Variants in SEPTIN7 observed in about 807,000 individuals in gnomAD.
SEPTIN7 encodes the protein septin 7.
In SEPTIN7, 10 loss-of-function variants were observed where a neutral mutation model predicts 63.3. The observed-to-expected ratio is 0.16, with a 90% CI of 0.10 to 0.27. SEPTIN7 has a LOEUF of 0.27. SEPTIN7 is among the 10% of genes least tolerant of loss of function. SEPTIN7 has a pLI of 1.00. For synonymous variants in SEPTIN7, 131 were observed against 165.3 expected (o/e 0.79, Z 1.59); for missense variants, 310 against 521.0 (o/e 0.59, Z 3.94).
Position 35,847,757 on chromosome 7 carries a change from G to A in SEPTIN7, c.169+14857G>A, listed in dbSNP as rs1465292778. Among the ~76,000 whole-genome samples the A allele has an allele frequency of 5.3e-5, 8 of 152,248 alleles. No individual in the cohort carries two copies. In the South Asian group the frequency reaches 1.7e-3, roughly 32 times the overall value. On this transcript the variant is annotated intron_variant, in intron 3 of 13. Transcript: ENST00000350320. Reference sequence around the variant, plus strand: ...TTTTATTTTTAAAGAAATATAGTGAGATATAATTCACATAATCATGGTATG... The same window carrying A: ...TTTTATTTTTAAAGAAATATAGTGAAATATAATTCACATAATCATGGTATG...
chr7:35,895,036 G>T (rs1389184429), intron 11 of SEPTIN7, among the ~76,000 whole-genome samples: 1 of 151,924 alleles, frequency 6.6e-6, no homozygotes, highest in Non-Finnish European at 1.5e-5. Flanking sequence ...TCTTTTTCTT[G>T]TTTTACTAGG....
chr7:35,903,332 T>C lies in SEPTIN7; in HGVS notation c.1274+117T>C. The C allele has an allele frequency of 2.2e-6, 3 of 1,392,562 alleles. No homozygotes were observed. The South Asian group carries it at 5.3e-5, about 25-fold the overall frequency. The allele number at this position is 1,392,562 out of a possible 1,614,324, so 86.3% of individuals were successfully genotyped here. On this transcript the variant is annotated intron_variant, in intron 13 of 13. Coordinates refer to ENST00000350320, the MANE Select transcript of SEPTIN7 (RefSeq NM_001788.6). ...AAAAGTCATCACCCATTATCATGCATTCCAAACACAATGGTTTTCATAGAT... is the reference window on the plus strand; with the variant it reads ...AAAAGTCATCACCCATTATCATGCACTCCAAACACAATGGTTTTCATAGAT...
chr7:35,903,076 C>T lies in SEPTIN7; in HGVS notation c.1135C>T (p.Leu379Phe). The change falls in exon 13 of 14, where the codon CTC becomes TTC. Residue 379 changes from leucine to phenylalanine, a missense_variant and splice_region_variant. Physicochemically the swap from Leu to Phe is conservative, Grantham distance 22. Transcript: ENST00000350320. ...VQKLKDSEAELQRRHEQMKKN... is the reference protein window; with the variant it reads ...VQKLKDSEAEFQRRHEQMKKN... ...TTTTATATATTGTGCTATGATTTAG[C>T]TCCAGCGGCGCCATGAGCAAATGAA... is the stretch of plus-strand genomic sequence containing the variant. 6.5e-7 allele frequency: 1 copy of T among 1,538,346 alleles called. No individual in the cohort carries two copies. The highest frequency in any genetic ancestry group is 8.7e-7 in the Non-Finnish European group (1 of 1,144,696).
chr7:35,913,346 A>T, the SEPTIN7 span, among the ~76,000 whole-genome samples: 1 of 152,128 alleles, frequency 6.6e-6, no homozygotes, highest in African/African-American at 2.4e-5. Flanking sequence ...CTGGAACCAC[A>T]TCAGGCCGGC....
At position 35,801,242 on chromosome 7, in the gene SEPTIN7, G is replaced by A. The variant is rs868237331; in HGVS notation, c.33G>A (p.Glu11=). Residue 11 remains glutamate, a synonymous_variant, in exon 1 of 14, where the codon GAG becomes GAA. Coordinates refer to ENST00000350320, the MANE Select transcript of SEPTIN7 (RefSeq NM_001788.6). MSVSARSAAA[E]ERSVNSSTMV... is the part of the protein sequence containing the mutation. ...TCAGTGCGAGATCCGCTGCTGCTGA[G>A]GAGAGGAGCGTCAACAGCAGCACCA... is the stretch of plus-strand genomic sequence containing the variant. 4 of 1,536,242 alleles carry A rather than the reference G, an allele frequency of 2.6e-6. No homozygotes were observed. The highest frequency in any genetic ancestry group is 2.6e-5 in the East Asian group (1 of 38,080).
At chr7:35,893,938 G>T (rs1787803865) in intron 11 of SEPTIN7, among the ~76,000 whole-genome samples, 1 of 152,044 alleles carries the variant, frequency 6.6e-6, no homozygotes, top group Non-Finnish European at 1.5e-5. Flanking sequence ...ACAAAGTATG[G>T]AGCCATCCAA....
intron 3 of SEPTIN7, among the ~76,000 whole-genome samples, chr7:35,862,852 A>G (rs1468902621): frequency 6.6e-6 from 1 of 152,144 alleles, no homozygotes; most frequent in Admixed American, 6.5e-5. Context: ...TATACTTGTA[A>G]TAGTTACTAT....
intron 8 of SEPTIN7, 41 bp from the exon 9 acceptor site, chr7:35,883,850 A>T: frequency 8.6e-7 from 1 of 1,159,184 alleles, no homozygotes; most frequent in Non-Finnish European, 1.3e-6. Context: ...ATTTGTGAGG[A>T]CTACAGAGAT....
intron 3 of SEPTIN7, among the ~76,000 whole-genome samples, chr7:35,844,163 T>C (rs1001131556): frequency 2.0e-5 from 3 of 152,212 alleles, no homozygotes; most frequent in Admixed American, 2.0e-4. Context: ...TGATTACTTC[T>C]ACCCTCAAAG....
downstream of SEPTIN7, among the ~76,000 whole-genome samples, chr7:35,911,449 A>G (rs376203842): frequency 0.095 from 14,515 of 152,282 alleles, 851 homozygotes; most frequent in South Asian, 0.18. Context: ...TGGCCAGAAA[A>G]AAATGAACGT....
chr7:35,827,361 T>C (rs1783569411), intron 1 of SEPTIN7, among the ~76,000 whole-genome samples: 1 of 152,148 alleles, frequency 6.6e-6, no homozygotes, highest in African/African-American at 2.4e-5. Flanking sequence ...ACTGTGAACA[T>C]TTGTGCAGGA....
At chr7:35,843,845 G>A (rs1233556179) in intron 3 of SEPTIN7, among the ~76,000 whole-genome samples, 1 of 152,126 alleles carries the variant, frequency 6.6e-6, no homozygotes, top group African/African-American at 2.4e-5. Flanking sequence ...TTCTTGTACT[G>A]CCCAGAACCC....
intron 1 of SEPTIN7, among the ~76,000 whole-genome samples, chr7:35,805,570 A>C (rs962838081): frequency 6.6e-6 from 1 of 152,212 alleles, no homozygotes; most frequent in Non-Finnish European, 1.5e-5. Context: ...CTGCAGCAAC[A>C]GACTGTCATG....
intron 8 of SEPTIN7, among the ~76,000 whole-genome samples, chr7:35,883,481 A>G (rs1410899317): frequency 2.6e-4 from 40 of 152,044 alleles, no homozygotes; most frequent in Non-Finnish European, 1.5e-5. Flanking sequence ...ATATACTATT[A>G]CCTGGTTTAG....
chr7:35,903,026 G>T, intron 12 of SEPTIN7, 50 bp from the exon 13 acceptor site: 4 of 1,510,250 alleles, frequency 2.6e-6, no homozygotes, highest in Non-Finnish European at 3.5e-6. Context: ...ACATACCTCT[G>T]CTTCTGATTT....
chr7:35,852,128 G>A (rs1784993579), intron 3 of SEPTIN7, among the ~76,000 whole-genome samples: 1 of 152,108 alleles, frequency 6.6e-6, no homozygotes, highest in African/African-American at 2.4e-5. Flanking sequence ...ACCTATTACT[G>A]ATATTCAGGT....
chr7:35,868,796 T>G (rs1785971902), intron 4 of SEPTIN7, among the ~76,000 whole-genome samples: 1 of 152,138 alleles, frequency 6.6e-6, no homozygotes, highest in Admixed American at 6.5e-5. Flanking sequence ...TGGAAATTAA[T>G]CAGTTCCCTA....
chr7:35,866,644 C>CT (rs2116176141), intron 4 of SEPTIN7, among the ~76,000 whole-genome samples: 1 of 152,302 alleles, frequency 6.6e-6, no homozygotes, highest in Admixed American at 6.5e-5. Flanking sequence ...GAATGGGAAG[C>CT]TGTGTACACT....
intron 4 of SEPTIN7, among the ~76,000 whole-genome samples, chr7:35,872,378 A>G (rs1231104792): frequency 1.3e-5 from 2 of 152,266 alleles, no homozygotes; most frequent in African/African-American, 2.4e-5. Flanking sequence ...GGTGATCACT[A>G]TTTTATCAGT....
Sources: gnomAD v4.1 joint callset for allele counts (sites outside exome capture counted in the v4.1 genomes callset) on GRCh38, gnomAD v4.1.1 for gene constraint, MANE v1.5 for transcripts, NCBI Gene and HGNC (gene_info 2026-07-23, HGNC 2026-07-21) for gene names.